The following MAP7 variants were observed in gnomAD, a reference collection of about 807,000 sequenced individuals.
MAP7 encodes ensconsin.
MAP7 carries 52 observed loss-of-function variants against 94.8 expected under a neutral mutation model. The observed-to-expected ratio is 0.55, with a 90% CI of 0.44 to 0.69. The LOEUF (loss-of-function observed/expected upper bound fraction) is 0.69, where lower values mean the gene tolerates loss of function less well. Ranked by LOEUF, MAP7 falls within the 30% of genes least tolerant of loss-of-function variation. The probability of loss-of-function intolerance (pLI) is 0.00; values close to 1 mark genes in which losing one functional copy is unlikely to be tolerated. For synonymous variants in MAP7, 350 were observed against 357.0 expected, an observed-to-expected ratio of 0.98 and a Z score of 0.22; for missense variants, 940 against 964.6, an observed-to-expected ratio of 0.97 and a Z score of 0.34.
rs1008997495 is a variant in MAP7 at position 136,451,052 on chromosome 6, T to C, written c.68-29253A>G. ...GAGAAATTTACATCCATAAAGGGAA[T>C]CTCCATTTGTAAAGGTGTCTCCATC... On this transcript the variant is annotated intron_variant, in intron 1 of 17. Coordinates refer to ENST00000354570, the MANE Select transcript of MAP7 (RefSeq NM_003980.6). Among the ~76,000 whole-genome samples, 8 of 152,156 alleles carry C rather than the reference T, an allele frequency of 5.3e-5. No homozygotes were observed. In the East Asian group the frequency reaches 1.5e-3, roughly 29 times the overall value.
At chr6:136,508,650 G>T (rs1264602246) in intron 1 of MAP7, among the ~76,000 whole-genome samples, 2 of 152,146 alleles carry the variant, frequency 1.3e-5, no homozygotes, top group Non-Finnish European at 2.9e-5. Context: ...CCCAATAAAA[G>T]AAAAGATAAT....
In MAP7 at chr6:136,426,805, C is replaced by T. The variant is rs552312054; in HGVS notation, c.68-5006G>A. ...TGAATTCTGAGAGTGTGGACTTTCT[C>T]GTGAAGGCAATGGAAAGTCACTGAA... is the stretch of plus-strand genomic sequence containing the variant. On this transcript the variant is annotated intron_variant, in intron 1 of 17. Coordinates refer to ENST00000354570, the MANE Select transcript of MAP7 (RefSeq NM_003980.6). 7.9e-5 allele frequency among the ~76,000 whole-genome samples: 12 copies of T among 152,254 alleles called. No individual in the cohort carries two copies. The South Asian group carries it at 8.3e-4, about 11-fold the overall frequency.
chr6:136,476,779 G>T (rs1404049875), intron 1 of MAP7, among the ~76,000 whole-genome samples: 4 of 152,070 alleles, frequency 2.6e-5, no homozygotes, highest in Non-Finnish European at 5.9e-5. Context: ...ACATGTGTGT[G>T]TATATATATA....
At chr6:136,537,327 T>C (rs1169057633) in intron 1 of MAP7, among the ~76,000 whole-genome samples, 1 of 152,196 alleles carries the variant, frequency 6.6e-6, no homozygotes, top group Non-Finnish European at 1.5e-5. Context: ...GAGGCCTCAC[T>C]GGATTATAAG....
intron 1 of MAP7, among the ~76,000 whole-genome samples, chr6:136,548,408 T>C (rs964902071): frequency 2.0e-5 from 3 of 152,084 alleles, no homozygotes; most frequent in Non-Finnish European, 2.9e-5. Flanking sequence ...TTAATAGTAA[T>C]CTTGGGGTAG....
At chr6:136,371,759 C>A (rs1774576155) in intron 8 of MAP7, among the ~76,000 whole-genome samples, 1 of 152,180 alleles carries the variant, frequency 6.6e-6, no homozygotes, top group South Asian at 2.1e-4. Context: ...AGGTTTATAT[C>A]TTTCAACTGA....
chr6:136,539,936 G>T (rs1829173519), intron 1 of MAP7, among the ~76,000 whole-genome samples: 1 of 152,164 alleles, frequency 6.6e-6, no homozygotes, highest in South Asian at 2.1e-4. Flanking sequence ...TCAGGATTGT[G>T]CCACTGCATC....
At chr6:136,379,622 G>A (rs887445939) in intron 6 of MAP7, among the ~76,000 whole-genome samples, 1 of 152,126 alleles carries the variant, frequency 6.6e-6, no homozygotes, top group African/African-American at 2.4e-5. Flanking sequence ...AGATGAGAAA[G>A]GGAAGAAAGT....
chr6:136,544,386 C>T (rs1435308318), intron 1 of MAP7, among the ~76,000 whole-genome samples: 7 of 152,234 alleles, frequency 4.6e-5, no homozygotes, highest in South Asian at 4.1e-4. Context: ...GTAGCCCCAA[C>T]TCTTGCACCA....
At chr6:136,360,290 C>T (rs748741279) in intron 13 of MAP7, among the ~76,000 whole-genome samples, 18 of 152,024 alleles carry the variant, frequency 1.2e-4, no homozygotes, top group Non-Finnish European at 2.5e-4. Context: ...GGATTACAGG[C>T]GCCCGCCACC....
At chr6:136,354,106 C>CTA (rs1398686767) in intron 16 of MAP7, among the ~76,000 whole-genome samples, 21 of 93,840 alleles carry the variant, frequency 2.2e-4, no homozygotes, top group South Asian at 3.9e-4. Context: ...TGGGAATCTA[C>CTA]TATATATATA....
intron 1 of MAP7, among the ~76,000 whole-genome samples, chr6:136,538,798 CAAAA>C (rs397836178): frequency 1.5e-5 from 1 of 65,898 alleles, no homozygotes; most frequent in Non-Finnish European, 2.9e-5. Context: ...GATTTTGTCT[CAAAA>C]AAAAAAAAAA....
In MAP7 at chr6:136,518,480, G is replaced by T. The variant is rs999546113; in HGVS notation, c.67+31862C>A. 4.5e-4 allele frequency among the ~76,000 whole-genome samples: 69 copies of T among 152,158 alleles called. 1 individual carries two copies. Among genetic ancestry groups the T allele is most frequent in the African/African-American group, 1.5e-3 (62 of 41,430 alleles). On this transcript the variant is annotated intron_variant, in intron 1 of 17. Coordinates refer to ENST00000354570, the MANE Select transcript of MAP7 (RefSeq NM_003980.6). ...TATGTCCATCTGTGACACACTTTGG[G>T]CCTCGGCATCTGGGTCTGGGGTATA...
chr6:136,418,300 T>G (rs1790170214), intron 2 of MAP7, among the ~76,000 whole-genome samples: 2 of 152,156 alleles, frequency 1.3e-5, no homozygotes, highest in African/African-American at 4.8e-5. Flanking sequence ...CTGCAACCTC[T>G]GCCTCCTGGC....
intron 7 of MAP7, among the ~76,000 whole-genome samples, chr6:136,375,421 A>T (rs1562327787): frequency 6.6e-6 from 1 of 152,198 alleles, no homozygotes; most frequent in Non-Finnish European, 1.5e-5. Context: ...CAGGGCTAAA[A>T]GTAGCTGTTT....
chr6:136,503,860 C>T (rs1385143217), intron 1 of MAP7, among the ~76,000 whole-genome samples: 1 of 152,170 alleles, frequency 6.6e-6, no homozygotes, highest in Non-Finnish European at 1.5e-5. Flanking sequence ...ACAGCACATA[C>T]CACTTCTAGG....
intron 5 of MAP7, among the ~76,000 whole-genome samples, 177 bp downstream of exon 5, chr6:136,388,216 C>T (rs1412240334): frequency 1.3e-5 from 2 of 151,940 alleles, no homozygotes; most frequent in African/African-American, 2.4e-5. Context: ...GGGAAAGAGG[C>T]CCTTACTTCT....
intron 7 of MAP7, among the ~76,000 whole-genome samples, chr6:136,374,025 G>A (rs927225954): frequency 6.6e-6 from 1 of 152,166 alleles, no homozygotes; most frequent in Non-Finnish European, 1.5e-5. Context: ...GCAGTGGCAC[G>A]ATCTCATCTC....
chr6:136,353,064 T>C (rs1195032446), intron 16 of MAP7, among the ~76,000 whole-genome samples: 1 of 152,202 alleles, frequency 6.6e-6, no homozygotes, highest in African/African-American at 2.4e-5. Flanking sequence ...CATTAAACAT[T>C]TCCTACAGGT....
Sources: gnomAD v4.1 joint callset for allele counts (sites outside exome capture counted in the v4.1 genomes callset) on GRCh38, gnomAD v4.1.1 for gene constraint, MANE v1.5 for transcripts, NCBI Gene and HGNC (gene_info 2026-07-23, HGNC 2026-07-21) for gene names.